Variants in RBFOX1 observed in about 807,000 individuals in gnomAD.
RBFOX1 encodes RNA binding protein fox-1 homolog 1.
RBFOX1 carries 8 observed loss-of-function variants against 57.7 expected under a neutral mutation model. The ratio of observed to expected loss-of-function variants is 0.14; its 90% confidence interval spans 0.08 to 0.25. The LOEUF is 0.25. Ranked by LOEUF, RBFOX1 falls within the 10% of genes least tolerant of loss-of-function variation. The probability of loss-of-function intolerance (pLI) is 1.00; values close to 1 mark genes in which losing one functional copy is unlikely to be tolerated. For missense variants in RBFOX1, 611 were observed against 548.5 expected, an observed-to-expected ratio of 1.11 and a Z score of -1.14; for synonymous variants, 326 against 222.4, an observed-to-expected ratio of 1.47 and a Z score of -4.15.
chr16:7,499,166 G>A (rs1009532462), intron 4 of RBFOX1, among the ~76,000 whole-genome samples: 1 of 152,206 alleles, frequency 6.6e-6, no homozygotes, highest in Non-Finnish European at 1.5e-5. Context: ...GTGTGGATAG[G>A]ACTGGTTCCT....
Position 6,388,870 on chromosome 16 carries a change from TA to T in RBFOX1, c.-64+71820del, listed in dbSNP as rs370534271. 2.0e-4 allele frequency among the ~76,000 whole-genome samples: 31 copies of T among 152,262 alleles called. No individual in the cohort carries two copies. The South Asian group carries it at 6.2e-3, about 31-fold the overall frequency. On this transcript the variant is annotated intron_variant, in intron 2 of 15. Transcript: ENST00000550418. ...CACCATCTCAGTAATATGTGGAATC[TA>T]AAAAAAGTTGAACTCACAGAAGCAG...
intron 2 of RBFOX1, among the ~76,000 whole-genome samples, chr16:6,489,540 G>C (rs1406188989): frequency 1.3e-5 from 2 of 152,114 alleles, no homozygotes; most frequent in African/African-American, 4.8e-5. Flanking sequence ...TCCAAAGTCT[G>C]TGTTCCTAGC....
At chr16:6,101,857 T>C (rs1230458267) in intron 1 of RBFOX1, among the ~76,000 whole-genome samples, 1 of 152,158 alleles carries the variant, frequency 6.6e-6, no homozygotes, top group Non-Finnish European at 1.5e-5. Context: ...CCGGGGCAGC[T>C]GTAGTGGGAA....
At chr16:6,927,074 C>T (rs545563738) in intron 3 of RBFOX1, among the ~76,000 whole-genome samples, 4 of 152,114 alleles carry the variant, frequency 2.6e-5, no homozygotes, top group East Asian at 1.9e-4. Flanking sequence ...TTTTCCTATA[C>T]CGATGGGCCT....
At chr16:7,214,568 G>T (rs754487727) in intron 4 of RBFOX1, among the ~76,000 whole-genome samples, 3 of 151,956 alleles carry the variant, frequency 2.0e-5, no homozygotes, top group Admixed American at 6.6e-5. Flanking sequence ...CACCCCACTA[G>T]CTGTGCTCCT....
intron 2 of RBFOX1, among the ~76,000 whole-genome samples, chr16:6,325,323 C>T (rs28373460): frequency 0.037 from 5,643 of 152,174 alleles, 347 homozygotes; most frequent in African/African-American, 0.13. Flanking sequence ...TGGCACTGCA[C>T]ACCAACCTGG....
rs34849467 is a variant in RBFOX1 at position 6,619,687 on chromosome 16, CTTTT to C, written c.-63-34898_-63-34895del. Among the ~76,000 whole-genome samples, 5 of 117,930 alleles carry C rather than the reference CTTTT, an allele frequency of 4.2e-5. No individual in the cohort carries two copies. In the East Asian group the frequency reaches 7.4e-4, roughly 17 times the overall value. 77.4% of individuals were successfully genotyped at this position (117,930 alleles called of 152,430 possible). ...AACTGCTTTCATCTTTGTTGGTTTC[CTTTT>C]TTTTTTTTTTTTTTTTTAATAACTT... On this transcript the variant is annotated intron_variant, in intron 2 of 15. Transcript: ENST00000550418.
chr16:6,436,993 C>T (rs1443448851), intron 2 of RBFOX1, among the ~76,000 whole-genome samples: 1 of 152,044 alleles, frequency 6.6e-6, no homozygotes, highest in Non-Finnish European at 1.5e-5. Flanking sequence ...TTTTGACTTG[C>T]TATATATAGA....
intron 11 of RBFOX1, among the ~76,000 whole-genome samples, chr16:7,641,053 T>G (rs2062705922): frequency 6.6e-6 from 1 of 152,048 alleles, no homozygotes; most frequent in Non-Finnish European, 1.5e-5. Flanking sequence ...GGCCCCAGCT[T>G]TATAAGTTGA....
At chr16:7,362,735 A>G (rs2097353429) in intron 4 of RBFOX1, among the ~76,000 whole-genome samples, 1 of 151,748 alleles carries the variant, frequency 6.6e-6, no homozygotes, top group Non-Finnish European at 1.5e-5. Context: ...GTTCTTGTAT[A>G]TATGTTTTGG....
At chr16:6,832,281 C>A (rs935333307) in intron 3 of RBFOX1, among the ~76,000 whole-genome samples, 1 of 152,162 alleles carries the variant, frequency 6.6e-6, no homozygotes, top group Admixed American at 6.5e-5. Context: ...CAATTGCTGA[C>A]ATATGTCACA....
intron 2 of RBFOX1, among the ~76,000 whole-genome samples, chr16:6,524,979 A>G (rs571502602): frequency 6.6e-6 from 1 of 152,132 alleles, no homozygotes; most frequent in African/African-American, 2.4e-5. Flanking sequence ...GTCACTTCTG[A>G]GTATCTGGGT....
intron 3 of RBFOX1, among the ~76,000 whole-genome samples, chr16:5,611,746 C>CCATG (rs1302990992): frequency 6.8e-6 from 1 of 146,314 alleles, no homozygotes; most frequent in East Asian, 2.0e-4. Context: ...ATCCATCCAT[C>CCATG]CATTCACCCT....
intron 3 of RBFOX1, chr16:6,776,160 C>G (rs1427660266): frequency 2.0e-5 from 3 of 152,836 alleles, no homozygotes; most frequent in African/African-American, 7.2e-5. Flanking sequence ...GCCTGTAATC[C>G]CAGCACTTTG....
At position 5,945,331 on chromosome 16, in the gene RBFOX1, G is replaced by A. The variant is rs142150869; in HGVS notation, c.351+77996G>A. ...AGTCATCATCGTTGAGGAACAAGGG[G>A]TGAGTTACAATAAAGGTAACTGGAT... is the stretch of plus-strand genomic sequence containing the variant. On this transcript the variant is annotated intron_variant, in intron 4 of 19. Transcript: ENST00000641259. Among the ~76,000 whole-genome samples, 68 of 152,322 alleles carry A rather than the reference G, an allele frequency of 4.5e-4. No homozygotes were observed. The East Asian group carries it at 6.6e-3, about 15-fold the overall frequency.
At chr16:7,142,975 A>G (rs1315207507) in intron 4 of RBFOX1, among the ~76,000 whole-genome samples, 2 of 150,946 alleles carry the variant, frequency 1.3e-5, no homozygotes, top group Non-Finnish European at 2.9e-5. Context: ...GACCCTTGAG[A>G]TATGACTCCA....
At chr16:6,866,539 C>CTCTTTTTT (rs1161474639) in intron 3 of RBFOX1, among the ~76,000 whole-genome samples, 1 of 49,090 alleles carries the variant, frequency 2.0e-5, no homozygotes, top group Non-Finnish European at 3.6e-5. Context: ...TTCTTTCCTT[C>CTCTTTTTT]TATTTTTTTT....
chr16:6,926,432 C>T (rs575136603), intron 3 of RBFOX1, among the ~76,000 whole-genome samples: 3 of 152,176 alleles, frequency 2.0e-5, no homozygotes, highest in Non-Finnish European at 2.9e-5. Flanking sequence ...TCAGAATTTC[C>T]CCTGCCTCCT....
At chr16:6,811,439 A>AT (rs1175667390) in intron 3 of RBFOX1, among the ~76,000 whole-genome samples, 2 of 152,286 alleles carry the variant, frequency 1.3e-5, no homozygotes, top group East Asian at 3.9e-4. Flanking sequence ...TATACAATAT[A>AT]TTTTTTTCCT....
Sources: allele counts gnomAD v4.1 joint callset (sites outside exome capture counted in the v4.1 genomes callset), GRCh38; gene constraint gnomAD v4.1.1; transcripts MANE v1.5; gene names NCBI Gene and HGNC (gene_info 2026-07-23, HGNC 2026-07-21).